The following TAFA2 variants were observed in gnomAD, a reference collection of about 807,000 sequenced individuals.
TAFA2 encodes chemokine-like protein TAFA-2.
Under a neutral mutation model 18.8 loss-of-function variants are expected in TAFA2, and 7 were observed. The observed-to-expected ratio is 0.37, with a 90% CI of 0.21 to 0.70. TAFA2 has a LOEUF of 0.70. Ranked by LOEUF, TAFA2 falls within the 30% of genes least tolerant of loss-of-function variation. The pLI is 0.53. For missense variants in TAFA2, 122 were observed against 158.1 expected (o/e 0.77, Z 1.23); for synonymous variants, 60 against 54.2 (o/e 1.11, Z -0.47).
chr12:61,989,854 A>G (rs181602440), intron 1 of TAFA2, among the ~76,000 whole-genome samples: 2 of 152,254 alleles, frequency 1.3e-5, no homozygotes, highest in Non-Finnish European at 2.9e-5. Context: ...CAACTAACAC[A>G]CCTTAAATGT....
chr12:61,852,505 T>C (rs1216698051), intron 2 of TAFA2, among the ~76,000 whole-genome samples: 1 of 152,198 alleles, frequency 6.6e-6, no homozygotes, highest in Non-Finnish European at 1.5e-5. Flanking sequence ...CCATTATTCT[T>C]TGACTTCACA....
rs573313463 is a variant in TAFA2 at position 62,237,607 on chromosome 12, T to C, written c.-130+21156A>G. Among the ~76,000 whole-genome samples the C allele has an allele frequency of 7.7e-4, 117 of 152,364 alleles. 1 individual carries two copies. Among genetic ancestry groups the C allele is most frequent in the African/African-American group, 2.5e-3 (104 of 41,594 alleles). ...TGTTGTTGTTTCTTATAAACATACA[T>C]GTGTTGCTTCACTTTGAAGAATAAT... On this transcript the variant is annotated intron_variant, in intron 1 of 5. Transcript: ENST00000551619.
At chr12:62,027,758 A>G (rs1459375524) in intron 1 of TAFA2, among the ~76,000 whole-genome samples, 1 of 152,158 alleles carries the variant, frequency 6.6e-6, no homozygotes, top group East Asian at 1.9e-4. Context: ...ACTAAAGTAC[A>G]CAAGGATTCA....
At chr12:61,935,594 A>G (rs962909989) in intron 1 of TAFA2, among the ~76,000 whole-genome samples, 2 of 152,236 alleles carry the variant, frequency 1.3e-5, no homozygotes, top group Non-Finnish European at 2.9e-5. Flanking sequence ...AGAAAAAATA[A>G]TATGAAATTC....
intron 1 of TAFA2, among the ~76,000 whole-genome samples, chr12:61,938,084 A>T (rs963770049): frequency 6.6e-6 from 1 of 152,160 alleles, no homozygotes; most frequent in South Asian, 2.1e-4. Flanking sequence ...GGGAAATACA[A>T]ATTAAAACCA....
At chr12:62,042,315 A>G (rs1449800081) in intron 1 of TAFA2, among the ~76,000 whole-genome samples, 1 of 152,064 alleles carries the variant, frequency 6.6e-6, no homozygotes, top group African/African-American at 2.4e-5. Context: ...CAGAAACAGC[A>G]TAAGTCTCCT....
intron 1 of TAFA2, among the ~76,000 whole-genome samples, chr12:62,005,581 T>C (rs192465782): frequency 2.6e-5 from 4 of 152,266 alleles, no homozygotes; most frequent in Admixed American, 6.5e-5. Context: ...AGTGCTTTCA[T>C]TGACTATACA....
At chr12:62,203,228 G>A (rs962983534) in intron 1 of TAFA2, among the ~76,000 whole-genome samples, 1 of 152,188 alleles carries the variant, frequency 6.6e-6, no homozygotes, top group African/African-American at 2.4e-5. Flanking sequence ...TGGTTCTTTT[G>A]CATTTGCTGA....
rs11834730 is a variant in TAFA2, at chr12:62,006,679, A to G, written c.-1-139253T>C. On this transcript the variant is annotated intron_variant, in intron 1 of 4. Coordinates refer to ENST00000416284, the MANE Select transcript of TAFA2 (RefSeq NM_178539.5). ...TCCATATTTTACCGAGGAAACTGTCAATAGTTTATCAGCTTCAAATATCAA... is the reference window on the plus strand; with the variant it reads ...TCCATATTTTACCGAGGAAACTGTCGATAGTTTATCAGCTTCAAATATCAA... 5.4e-3 allele frequency among the ~76,000 whole-genome samples: 823 copies of G among 152,304 alleles called. 5 individuals carry two copies. The highest frequency in any genetic ancestry group is 0.014 in the Middle Eastern group (4 of 294).
At chr12:61,975,966 A>C (rs1000451064) in intron 1 of TAFA2, among the ~76,000 whole-genome samples, 22 of 151,864 alleles carry the variant, frequency 1.4e-4, no homozygotes, top group African/African-American at 5.3e-4. Context: ...TCATTTCACA[A>C]TGTGTACATA....
chr12:61,795,706 C>A, intron 2 of TAFA2, among the ~76,000 whole-genome samples: 1 of 149,242 alleles, frequency 6.7e-6, no homozygotes. Context: ...GAACATGTAC[C>A]CTAGAACTTA....
At chr12:62,230,499 T>G (rs1042149666) in intron 1 of TAFA2, among the ~76,000 whole-genome samples, 1 of 152,202 alleles carries the variant, frequency 6.6e-6, no homozygotes, top group Non-Finnish European at 1.5e-5. Flanking sequence ...TTGTTTTATT[T>G]CCATGATTTC....
intron 1 of TAFA2, among the ~76,000 whole-genome samples, chr12:62,232,603 C>T (rs990262542): frequency 1.3e-5 from 2 of 151,978 alleles, no homozygotes; most frequent in African/African-American, 4.8e-5. Flanking sequence ...AACCTGTCCC[C>T]CAGGTTCAAG....
At chr12:61,738,481 T>C (rs1312725193) in intron 4 of TAFA2, among the ~76,000 whole-genome samples, 1 of 152,060 alleles carries the variant, frequency 6.6e-6, no homozygotes, top group Non-Finnish European at 1.5e-5. Flanking sequence ...ATAATTGTGA[T>C]TGTCAGAAAA....
intron 1 of TAFA2, among the ~76,000 whole-genome samples, chr12:62,004,592 G>A (rs1246075964): frequency 6.6e-6 from 1 of 152,054 alleles, no homozygotes; most frequent in African/African-American, 2.4e-5. Flanking sequence ...AGTTTGATGG[G>A]GAATGTGATA....
intron 1 of TAFA2, among the ~76,000 whole-genome samples, chr12:61,971,196 G>T (rs1198864361): frequency 2.6e-5 from 4 of 151,658 alleles, no homozygotes; most frequent in Non-Finnish European, 4.4e-5. Context: ...TTCCTGGAAA[G>T]AAAATGGAAA....
intron 2 of TAFA2, among the ~76,000 whole-genome samples, chr12:61,778,299 A>G (rs899073541): frequency 3.3e-5 from 5 of 151,556 alleles, no homozygotes; most frequent in Non-Finnish European, 5.9e-5. Flanking sequence ...GCCAAGAAAA[A>G]CTTTCAAACC....
chr12:61,859,081 T>C (rs1415721504), intron 2 of TAFA2, among the ~76,000 whole-genome samples: 1 of 152,220 alleles, frequency 6.6e-6, no homozygotes, highest in Non-Finnish European at 1.5e-5. Context: ...TGCCCAAGAC[T>C]GGGTAATTTA....
chr12:62,102,595 C>T (rs962132616), intron 1 of TAFA2, among the ~76,000 whole-genome samples: 2 of 152,080 alleles, frequency 1.3e-5, no homozygotes, highest in Non-Finnish European at 2.9e-5. Flanking sequence ...CAGTAAACCC[C>T]ATGAGCTGAA....
Sources: allele counts gnomAD v4.1 joint callset (sites outside exome capture counted in the v4.1 genomes callset), GRCh38; gene constraint gnomAD v4.1.1; transcripts MANE v1.5; gene names NCBI Gene and HGNC (gene_info 2026-07-23, HGNC 2026-07-21).